IQSEC1: variants seen among roughly 807,000 people sequenced by gnomAD.
The protein encoded by IQSEC1 is IQ motif and Sec7 domain ArfGEF 1, also known as IQ motif and SEC7 domain-containing protein 1.
Under a neutral mutation model 91.0 loss-of-function variants are expected in IQSEC1, and 31 were observed. That is an observed-to-expected ratio of 0.34 (90% CI 0.26 to 0.46). The LOEUF is 0.46. Among genes scored for constraint, IQSEC1 ranks in the 20% least tolerant of loss-of-function variants. The pLI is 1.00. For missense variants in IQSEC1, 1,388 were observed against 1,575.6 expected, an observed-to-expected ratio of 0.88 and a Z score of 2.02; for synonymous variants, 699 against 662.6, an observed-to-expected ratio of 1.05 and a Z score of -0.84.
chr3:13,243,173 G>T (rs546133633), intron 1 of IQSEC1, among the ~76,000 whole-genome samples: 3 of 152,124 alleles, frequency 2.0e-5, no homozygotes, highest in Admixed American at 1.3e-4. Context: ...AATTTACACC[G>T]TGCTTGGCCA....
chr3:12,911,008 T>A (rs1430791224), intron 10 of IQSEC1, among the ~76,000 whole-genome samples: 2 of 152,050 alleles, frequency 1.3e-5, no homozygotes, highest in African/African-American at 4.8e-5. Context: ...GCCAGTGGGG[T>A]GCTGCAGGTG....
At chr3:13,092,097 T>C (rs1705872047) in intron 2 of IQSEC1, among the ~76,000 whole-genome samples, 1 of 152,030 alleles carries the variant, frequency 6.6e-6, no homozygotes, top group African/African-American at 2.4e-5. Context: ...GCGGGGTCAA[T>C]TGCCCTGCAC....
intron 1 of IQSEC1, among the ~76,000 whole-genome samples, chr3:12,950,303 C>T (rs1049137481): frequency 3.3e-5 from 5 of 152,216 alleles, no homozygotes; most frequent in African/African-American, 1.2e-4. Flanking sequence ...AAGAGTTAGC[C>T]TGGCCCCAAG....
intron 9 of IQSEC1, among the ~76,000 whole-genome samples, chr3:12,912,093 A>G (rs1695614997): frequency 6.6e-6 from 1 of 152,218 alleles, no homozygotes; most frequent in African/African-American, 2.4e-5. Context: ...GTAAGAAGCC[A>G]TGGCTTCCTT....
chr3:13,014,058 C>T (rs753622975), intron 1 of IQSEC1, among the ~76,000 whole-genome samples: 17 of 152,146 alleles, frequency 1.1e-4, no homozygotes, highest in South Asian at 4.1e-4. Flanking sequence ...TGAGCCCTGG[C>T]GCCCAACAAA....
chr3:12,946,796 G>A (rs1429704401), intron 1 of IQSEC1, among the ~76,000 whole-genome samples: 8 of 152,204 alleles, frequency 5.3e-5, no homozygotes, highest in African/African-American at 1.7e-4. Flanking sequence ...TAGCCCTGCT[G>A]CCCGCCACAG....
At chr3:12,982,240 C>G (rs1191589089) in intron 1 of IQSEC1, among the ~76,000 whole-genome samples, 4 of 152,178 alleles carry the variant, frequency 2.6e-5, no homozygotes, top group Non-Finnish European at 5.9e-5. Flanking sequence ...AAAGTATAGG[C>G]CAGTGGTTCT....
At chr3:13,109,024 G>A in intron 2 of IQSEC1, among the ~76,000 whole-genome samples, 1 of 152,234 alleles carries the variant, frequency 6.6e-6, no homozygotes, top group South Asian at 2.1e-4. Flanking sequence ...GGCCATGGAT[G>A]CATGCGTCCA....
chr3:12,988,419 A>C (rs1054776957), intron 1 of IQSEC1, among the ~76,000 whole-genome samples: 1 of 152,142 alleles, frequency 6.6e-6, no homozygotes, highest in Non-Finnish European at 1.5e-5. Flanking sequence ...TATCTCAAAA[A>C]AATAAAAATA....
Position 12,941,874 on chromosome 3 carries a change from G to A in IQSEC1, c.24-9C>T, listed in dbSNP as rs1421858770. ...GGGCCTCGCCCTCGACGCTGCAGAG[G>A]AGAGAGAGGTGAGAAGCTTCTGGTA... On this transcript the variant is annotated splice_polypyrimidine_tract_variant and intron_variant, in intron 1 of 13. Coordinates refer to ENST00000613206, the MANE Select transcript of IQSEC1 (RefSeq NM_001134382.3). 3 of 1,574,488 alleles carry A rather than the reference G, an allele frequency of 1.9e-6. No individual in the cohort carries two copies. The highest frequency in any genetic ancestry group is 1.3e-5 in the African/African-American group (1 of 74,342).
intron 2 of IQSEC1, among the ~76,000 whole-genome samples, chr3:13,096,932 C>G (rs1705975609): frequency 6.6e-6 from 1 of 150,826 alleles, no homozygotes; most frequent in Non-Finnish European, 1.5e-5. Flanking sequence ...GCGATCTCGG[C>G]TCACTGCAAG....
At chr3:13,275,254 G>A (rs1695657266) in intron 1 of IQSEC1, among the ~76,000 whole-genome samples, 1 of 152,222 alleles carries the variant, frequency 6.6e-6, no homozygotes, top group South Asian at 2.1e-4. Context: ...TCTAAGTTCA[G>A]GTGCAGAACG....
chr3:12,983,861 T>C lies in IQSEC1; in HGVS notation c.24-41996A>G, dbSNP rs1701592210. Among the ~76,000 whole-genome samples, 2 of 151,964 alleles carry C rather than the reference T, an allele frequency of 1.3e-5. No homozygotes were observed. The highest frequency in any genetic ancestry group is 6.5e-5 in the Admixed American group (1 of 15,274). On this transcript the variant is annotated intron_variant, in intron 1 of 13. Coordinates refer to ENST00000613206, the MANE Select transcript of IQSEC1 (RefSeq NM_001134382.3). This position sits in a 1 kb window ranked among gnomAD's most constrained non-coding sequence, Gnocchi z 4.3. The stretch of plus-strand genomic sequence containing the variant: ...GATAAATATTTGTGGATGAAATGAA[T>C]ATGCCCAGCTCATGTATGTCCCTGT...
In IQSEC1 at chr3:12,941,783, C is replaced by A; in HGVS notation, c.106G>T (p.Gly36Cys). 1.2e-6 allele frequency: 2 copies of A among 1,611,640 alleles called. No homozygotes were observed. Among genetic ancestry groups the A allele is most frequent in the East Asian group, 4.5e-5 (2 of 44,866 alleles). ...TAGTGATCCGGGCTCAGGCTGGAAC[C>A]GGGCACCAAGGGGCCCTGGGGGTAG... Reference protein sequence around the residue: ...SAYPQGPLVPGSSLSPDHYEH... With the variant: ...SAYPQGPLVPCSSLSPDHYEH... Residue 36 changes from glycine (G) to cysteine (C), a missense_variant, in exon 2 of 14, where the codon GGT (glycine) becomes TGT (cysteine). Physicochemically the swap from Gly to Cys is radical, Grantham distance 159 (BLOSUM62 -3). This residue lies in a region of IQSEC1 where 1,059 missense variants were observed against 1,317.8 expected (regional missense o/e 0.80). Transcript: ENST00000613206.
At chr3:13,037,162 G>A (rs1166870236) in intron 1 of IQSEC1, among the ~76,000 whole-genome samples, 5 of 152,166 alleles carry the variant, frequency 3.3e-5, no homozygotes, top group Non-Finnish European at 7.3e-5. Flanking sequence ...TCAATATTGA[G>A]TGTAGAAAGA....
intron 2 of IQSEC1, among the ~76,000 whole-genome samples, chr3:13,083,428 G>A (rs962843046): frequency 6.6e-6 from 1 of 152,240 alleles, no homozygotes; most frequent in Non-Finnish European, 1.5e-5. Context: ...CTCACCTGCT[G>A]TGTGACCCTG....
chr3:13,017,694 G>C (rs1461358735), intron 1 of IQSEC1, among the ~76,000 whole-genome samples: 1 of 152,160 alleles, frequency 6.6e-6, no homozygotes, highest in Admixed American at 6.5e-5. Context: ...ACGAAGACTC[G>C]ATGCAGGGAG....
chr3:13,247,051 C>T (rs1695119890), intron 1 of IQSEC1, among the ~76,000 whole-genome samples: 2 of 152,170 alleles, frequency 1.3e-5, no homozygotes, highest in Admixed American at 1.3e-4. Flanking sequence ...GGACCACTGT[C>T]CAGCTGTCTC....
rs138763746 is a variant in IQSEC1, at chr3:13,066,423, G to A, written c.23+6569C>T. On this transcript the variant is annotated intron_variant, in intron 1 of 13. Transcript: ENST00000613206. ...GTCTGTCACAGCGAGGACTCGCCAC[G>A]CGCCATGCGGGAGCTCTATGAGGGG... 2.5e-4 allele frequency among the ~76,000 whole-genome samples: 38 copies of A among 152,368 alleles called. 1 individual carries two copies. In the South Asian group the frequency reaches 7.5e-3, roughly 30 times the overall value.
Sources: gnomAD v4.1 joint callset for allele counts (sites outside exome capture counted in the v4.1 genomes callset) on GRCh38, gnomAD v4.1.1 for gene constraint, gnomAD v4.1.1 regional missense constraint, Gnocchi (gnomAD v3.1) non-coding constraint, MANE v1.5 for transcripts, NCBI Gene and HGNC (gene_info 2026-07-23, HGNC 2026-07-21) for gene names.